RTTN: variants seen among roughly 807,000 people sequenced by gnomAD.
RTTN encodes the protein rotatin.
In RTTN, 182 loss-of-function variants were observed where a neutral mutation model predicts 269.2. The observed-to-expected ratio is 0.68, with a 90% CI of 0.60 to 0.76. The LOEUF (loss-of-function observed/expected upper bound fraction) is 0.76, where lower values mean the gene tolerates loss of function less well. RTTN is among the 30% of genes least tolerant of loss of function. The pLI, the probability that RTTN is intolerant of heterozygous loss-of-function variation, is 0.00. For missense variants in RTTN, 2,545 were observed against 2,608.6 expected (o/e 0.98, Z 0.53); for synonymous variants, 1,006 against 963.5 (o/e 1.04, Z -0.82).
chr18:70,169,402 C>T (rs1161569103), intron 11 of RTTN, among the ~76,000 whole-genome samples: 1 of 152,118 alleles, frequency 6.6e-6, no homozygotes, highest in East Asian at 1.9e-4. Flanking sequence ...GGCATGAGGC[C>T]TTTTTCTCTA....
At chr18:70,049,592 TA>T (rs896475917) in intron 39 of RTTN, among the ~76,000 whole-genome samples, 6 of 151,952 alleles carry the variant, frequency 3.9e-5, no homozygotes, top group African/African-American at 9.7e-5. Context: ...AAATAAATGT[TA>T]AAAAAAATCG....
intron 46 of RTTN, among the ~76,000 whole-genome samples, chr18:70,016,270 A>G (rs1355125302): frequency 6.6e-6 from 1 of 152,222 alleles, no homozygotes; most frequent in Admixed American, 6.5e-5. Flanking sequence ...TCACAGAAAA[A>G]TGCTTCTGAG....
At chr18:70,049,635 T>C (rs908541447) in intron 39 of RTTN, among the ~76,000 whole-genome samples, 5 of 152,202 alleles carry the variant, frequency 3.3e-5, no homozygotes, top group Non-Finnish European at 7.4e-5. Context: ...TTTGGAAGCT[T>C]AAAATAACTC....
chr18:70,104,536 A>T (rs1189903914), intron 28 of RTTN, among the ~76,000 whole-genome samples: 1 of 152,204 alleles, frequency 6.6e-6, no homozygotes. Flanking sequence ...TCCGTTGCTG[A>T]CAAGGAGCTG....
At chr18:70,118,520 A>C (rs958380056) in intron 26 of RTTN, among the ~76,000 whole-genome samples, 2 of 152,132 alleles carry the variant, frequency 1.3e-5, no homozygotes, top group Admixed American at 6.5e-5. Flanking sequence ...ACATTTAAAG[A>C]ATTAATACTA....
chr18:70,092,949 A>G (rs1434758389), intron 28 of RTTN, 145 bp from the exon 29 acceptor site: 14 of 647,216 alleles, frequency 2.2e-5, no homozygotes, highest in Admixed American at 3.5e-5. Context: ...TTAAAAATGA[A>G]TAAGATGGTA....
intron 32 of RTTN, among the ~76,000 whole-genome samples, 156 bp from the exon 33 acceptor site, chr18:70,075,697 C>G (rs1041883159): frequency 1.3e-5 from 2 of 152,062 alleles, no homozygotes; most frequent in Non-Finnish European, 2.9e-5. Flanking sequence ...GCAGCCTGAC[C>G]TAGGACAAAT....
chr18:70,120,387 C>A (rs553537925), intron 26 of RTTN, among the ~76,000 whole-genome samples: 1 of 152,156 alleles, frequency 6.6e-6, no homozygotes, highest in African/African-American at 2.4e-5. Flanking sequence ...GATAATAAAC[C>A]TCTAAATAAG....
At chr18:70,075,191 A>T in intron 33 of RTTN, 161 bp downstream of exon 33, 1 of 525,910 alleles carries the variant, frequency 1.9e-6, no homozygotes, top group Non-Finnish European at 3.3e-6. Context: ...ACAGAGAAAG[A>T]AGACGGGAAG....
intron 7 of RTTN, chr18:70,194,151 T>C (rs959111341): frequency 7.9e-5 from 12 of 152,306 alleles, no homozygotes; most frequent in South Asian, 4.1e-4. Context: ...CCAAAGAAGA[T>C]ACATGAACAA....
chr18:70,029,987 C>T (rs768117588), intron 42 of RTTN, 25 bp downstream of exon 42: 3 of 1,517,724 alleles, frequency 2.0e-6, no homozygotes, highest in East Asian at 2.3e-5. Flanking sequence ...CTATATATAG[C>T]CATTCATTTA....
intron 7 of RTTN, among the ~76,000 whole-genome samples, chr18:70,195,376 TC>T (rs1483985697): frequency 6.6e-6 from 1 of 152,250 alleles, no homozygotes; most frequent in Non-Finnish European, 1.5e-5. Context: ...CCTTTTTATT[TC>T]CTTCAAGTAC....
intron 42 of RTTN, among the ~76,000 whole-genome samples, chr18:70,029,517 C>A (rs963207172): frequency 2.0e-5 from 3 of 152,146 alleles, no homozygotes; most frequent in Non-Finnish European, 2.9e-5. Flanking sequence ...ATGAGGAATA[C>A]CAGCTCTGCA....
At position 70,139,771 on chromosome 18, in the gene RTTN, C is replaced by T. The variant is rs1200782772; in HGVS notation, c.2671-55G>A. The T allele has an allele frequency of 5.9e-6, 6 of 1,010,094 alleles. No homozygotes were observed. In the East Asian group the frequency reaches 1.4e-4, roughly 24 times the overall value. The allele number at this position is 1,010,094 out of a possible 1,614,324, so 62.6% of individuals were successfully genotyped here. ...ATTTTCACCAATTATCAGGTGAGATCAAACAGACCATAATATTATCTTACT... is the reference window on the plus strand; with the variant it reads ...ATTTTCACCAATTATCAGGTGAGATTAAACAGACCATAATATTATCTTACT... On this transcript the variant is annotated intron_variant, in intron 20 of 48. Transcript: ENST00000640769.
intron 10 of RTTN, among the ~76,000 whole-genome samples, chr18:70,182,310 T>G (rs1015631851): frequency 3.3e-5 from 5 of 152,218 alleles, no homozygotes; most frequent in Non-Finnish European, 5.9e-5. Flanking sequence ...GTAATTTATT[T>G]TTTTATATTC....
intron 34 of RTTN, among the ~76,000 whole-genome samples, chr18:70,073,424 C>A (rs1296497354): frequency 1.3e-5 from 2 of 152,148 alleles, no homozygotes; most frequent in Non-Finnish European, 1.5e-5. Context: ...ACACTAGAAT[C>A]ATTTGAATGT....
chr18:70,009,020 C>T (rs1303392879), intron 46 of RTTN: 13 of 152,346 alleles, frequency 8.5e-5, no homozygotes, highest in South Asian at 8.3e-4. Flanking sequence ...AGAGAAAGGT[C>T]GGGTTACCCA....
chr18:70,141,620 TCA>T (rs2060259205), intron 19 of RTTN, among the ~76,000 whole-genome samples: 2 of 152,048 alleles, frequency 1.3e-5, no homozygotes, highest in African/African-American at 4.8e-5. Context: ...CCCGGGCCTG[TCA>T]CAGAGTTGGG....
chr18:70,095,832 T>A (rs2058988256), intron 28 of RTTN, among the ~76,000 whole-genome samples: 1 of 152,154 alleles, frequency 6.6e-6, no homozygotes, highest in African/African-American at 2.4e-5. Context: ...TGAATTGGAA[T>A]GCTGGCCTGT....
Sources: gnomAD v4.1 joint callset for allele counts (sites outside exome capture counted in the v4.1 genomes callset) on GRCh38, gnomAD v4.1.1 for gene constraint, MANE v1.5 for transcripts, NCBI Gene and HGNC (gene_info 2026-07-23, HGNC 2026-07-21) for gene names.